The following DBF4B variants were observed in gnomAD, a reference collection of about 807,000 sequenced individuals.
DBF4B encodes the protein DBF4B-CDC7 kinase regulatory subunit, also known as protein DBF4 homolog B.
Under a neutral mutation model 53.4 loss-of-function variants are expected in DBF4B, and 49 were observed. The ratio of observed to expected loss-of-function variants is 0.92; its 90% confidence interval spans 0.73 to 1.16. The LOEUF is 1.16. Among genes scored for constraint, DBF4B ranks in the 50% most tolerant of loss-of-function variants. DBF4B has a pLI of 0.00. For synonymous variants in DBF4B, 257 were observed against 288.7 expected, an observed-to-expected ratio of 0.89 and a Z score of 1.11; for missense variants, 692 against 775.0, an observed-to-expected ratio of 0.89 and a Z score of 1.27.
rs372675166 is a variant in DBF4B at position 44,708,794 on chromosome 17, C to A, written c.-27C>A. On this transcript the variant is annotated 5_prime_UTR_variant, in exon 1 of 14. An upstream open reading frame in the 5' UTR gains an earlier in-frame stop. Transcript: ENST00000315005. ...TACGGAGGCCTCTGAGGAAGGAGTA[C>A]GGAGGCCGAGAAGGAGCCGGCATTT... 5.2e-6 allele frequency: 8 copies of A among 1,550,050 alleles called. No individual in the cohort carries two copies. In the African/African-American group the frequency reaches 8.2e-5, roughly 16 times the overall value.
intron 10 of DBF4B, among the ~76,000 whole-genome samples, chr17:44,743,174 G>A (rs562268404): frequency 6.6e-6 from 1 of 152,274 alleles, no homozygotes; most frequent in East Asian, 1.9e-4. Flanking sequence ...GATGGCCTTG[G>A]GATCACAGAG....
chr17:44,748,925 C>G (rs1334255305), intron 13 of DBF4B: 1 of 1,289,940 alleles, frequency 7.8e-7, no homozygotes, highest in Admixed American at 2.3e-5. Flanking sequence ...GACCCCTTCC[C>G]CTGGCAGCCC....
At chr17:44,746,946 G>A (rs1454792881) in intron 10 of DBF4B, 137 bp from the exon 11 acceptor site, 1 of 728,008 alleles carries the variant, frequency 1.4e-6, no homozygotes, top group Non-Finnish European at 2.4e-6. Context: ...GGGAAGGCCT[G>A]CCTGCCGGTG....
chr17:44,721,496 G>T (rs967143504), intron 2 of DBF4B, among the ~76,000 whole-genome samples: 1 of 152,166 alleles, frequency 6.6e-6, no homozygotes, highest in African/African-American at 2.4e-5. Flanking sequence ...TGGGATTACA[G>T]GTATGAGCCA....
Position 44,729,263 on chromosome 17 carries a change from G to A in DBF4B, c.226-642G>A, listed in dbSNP as rs552121494. Among the ~76,000 whole-genome samples the A allele has an allele frequency of 5.4e-5, 8 of 147,898 alleles. No individual in the cohort carries two copies. The South Asian group carries it at 1.7e-3, about 31-fold the overall frequency. ...ACTCCCCAAGCTGGAGTGTAGTAGTGTAGTCATAGCTCACTGCATCACTGA... is the reference window on the plus strand; with the variant it reads ...ACTCCCCAAGCTGGAGTGTAGTAGTATAGTCATAGCTCACTGCATCACTGA... On this transcript the variant is annotated intron_variant, in intron 3 of 13. Coordinates refer to ENST00000315005, the MANE Select transcript of DBF4B (RefSeq NM_145663.3).
At chr17:44,732,805 G>T (rs556589280) in intron 6 of DBF4B, 19 of 152,068 alleles carry the variant, frequency 1.2e-4, no homozygotes, top group African/African-American at 4.6e-4. Context: ...GGCAGAGGTT[G>T]CAGTCAGCCA....
intron 2 of DBF4B, among the ~76,000 whole-genome samples, chr17:44,714,892 A>G (rs1973196925): frequency 6.6e-6 from 1 of 151,880 alleles, no homozygotes; most frequent in African/African-American, 2.4e-5. Context: ...AAACCAGAAT[A>G]GGTTCAGAGA....
chr17:44,724,033 GGAGGTTACA>G (rs1974077657), intron 3 of DBF4B, among the ~76,000 whole-genome samples: 1 of 152,074 alleles, frequency 6.6e-6, no homozygotes, highest in Non-Finnish European at 1.5e-5. Flanking sequence ...CCCAAAAGGC[GGAGGTTACA>G]GTGAGCTGAA....
At chr17:44,712,744 T>C (rs1184332640) in intron 2 of DBF4B, among the ~76,000 whole-genome samples, 4 of 149,412 alleles carry the variant, frequency 2.7e-5, no homozygotes, top group Non-Finnish European at 6.0e-5. Context: ...CGGCCTGTCT[T>C]CTTTTTTTTT....
intron 10 of DBF4B, among the ~76,000 whole-genome samples, chr17:44,742,039 G>T (rs1287083412): frequency 6.6e-6 from 1 of 151,182 alleles, no homozygotes; most frequent in Non-Finnish European, 1.5e-5. Context: ...ATGAGGCCAG[G>T]AGTTTGAGAC....
intron 10 of DBF4B, among the ~76,000 whole-genome samples, chr17:44,743,678 T>G (rs2145114129): frequency 6.6e-6 from 1 of 150,566 alleles, no homozygotes; most frequent in South Asian, 2.1e-4. Flanking sequence ...TGGCGTGATC[T>G]CTGCTCACTG....
At position 44,749,114 on chromosome 17, in the gene DBF4B, G is replaced by C. The variant is rs2049200815; in HGVS notation, c.1189+649G>C. 2 of 1,289,606 alleles carry C rather than the reference G, an allele frequency of 1.6e-6. No homozygotes were observed. The highest frequency in any genetic ancestry group is 4.6e-5 in the Admixed American group (2 of 43,548). The allele number at this position is 1,289,606 out of a possible 1,614,324, so 79.9% of individuals were successfully genotyped here. A position where few individuals can be genotyped will look rare whatever the true frequency, so the allele number is the denominator to read the frequency against. On this transcript the variant is annotated intron_variant, in intron 13 of 13. Coordinates refer to ENST00000315005, the MANE Select transcript of DBF4B (RefSeq NM_145663.3). This position sits in a 1 kb window ranked among gnomAD's most constrained non-coding sequence, Gnocchi z 4.4. Reference sequence around the variant, plus strand: ...TCAGCTCCCCTGTACTCAGCTACCAGTGTGCAGCCCTCGGGAGCACCTGTA... The same window carrying C: ...TCAGCTCCCCTGTACTCAGCTACCACTGTGCAGCCCTCGGGAGCACCTGTA...
chr17:44,736,836 T>C lies in DBF4B; in HGVS notation c.637T>C (p.Cys213Arg), dbSNP rs752514174. ...ATTTTTCCTTTCCATTTAGGGAACA[T>C]GTCCAGCAGCAGAGTCAAGAACACG... Reference protein sequence around the residue: ...KQQPKKPEGTCPAAESRTRKV... With the variant: ...KQQPKKPEGTRPAAESRTRKV... The change falls in exon 8 of 14, where the codon TGT (cysteine) becomes CGT (arginine). Residue 213 changes from cysteine (C) to arginine (R), a missense_variant. Around this residue, in one of 3 missense-constraint regions of DBF4B, gnomAD observed 597 missense variants for 665.8 expected, o/e 0.90. Transcript: ENST00000315005. The C allele has an allele frequency of 1.9e-6, 3 of 1,613,970 alleles. No homozygotes were observed. The highest frequency in any genetic ancestry group is 2.5e-6 in the Non-Finnish European group (3 of 1,179,986).
intron 2 of DBF4B, among the ~76,000 whole-genome samples, chr17:44,721,224 C>CG (rs1033988909): frequency 5.2e-5 from 7 of 134,018 alleles, no homozygotes; most frequent in Non-Finnish European, 7.9e-5. Context: ...CTTCCCCCCC[C>CG]CTCCCCTTTT....
In DBF4B at chr17:44,749,235, C is replaced by G; in HGVS notation, c.1189+770C>G. On this transcript the variant is annotated intron_variant, in intron 13 of 13. Coordinates refer to ENST00000315005, the MANE Select transcript of DBF4B (RefSeq NM_145663.3). This position sits in a 1 kb window ranked among gnomAD's most constrained non-coding sequence, Gnocchi z 4.4. Reference sequence around the variant, plus strand: ...GGGCCCCCCAGCCTCTCCAGGTGCCCTGTCTCCCTGTCTCCCAGCCCTGGT... The same window carrying G: ...GGGCCCCCCAGCCTCTCCAGGTGCCGTGTCTCCCTGTCTCCCAGCCCTGGT... 1.5e-6 allele frequency: 2 copies of G among 1,290,502 alleles called. No homozygotes were observed. Among genetic ancestry groups the G allele is most frequent in the Non-Finnish European group, 2.0e-6 (2 of 988,886 alleles). 79.9% of individuals were successfully genotyped at this position (1,290,502 alleles called of 1,614,324 possible). A position where few individuals can be genotyped will look rare whatever the true frequency, so the allele number is the denominator to read the frequency against.
Position 44,750,832 on chromosome 17 carries a change from A to AT in DBF4B, c.1428dup (p.Pro477SerfsTer15). 1 of 1,614,176 alleles carries AT rather than the reference A, an allele frequency of 6.2e-7. No individual in the cohort carries two copies. Among genetic ancestry groups the AT allele is most frequent in the Non-Finnish European group, 8.5e-7 (1 of 1,180,024 alleles). On this transcript the variant is annotated frameshift_variant, in exon 14 of 14. Transcript: ENST00000315005. LOFTEE classifies it low-confidence loss of function (END_TRUNC). ...TCGCCTGCAGAGGACATGCCCCTCC[A>AT]TCCCTCCCAAGAAAACTCCTTTGCC...
chr17:44,748,649 C>T, intron 13 of DBF4B, 184 bp downstream of exon 13: 1 of 1,490,064 alleles, frequency 6.7e-7, no homozygotes, highest in Non-Finnish European at 9.0e-7. Flanking sequence ...CTGCCTAGCT[C>T]TGGTTTTATG....
rs376157751 is a variant in DBF4B, at chr17:44,730,088, G to A, written c.409G>A (p.Val137Ile). ...GSHPRPSRKPVDSVPLSRGKE... is the reference protein window; with the variant it reads ...GSHPRPSRKPIDSVPLSRGKE... ...CCACCCCAGGCCTTCACGGAAACCC[G>A]TTGACTCGGTAAGAACCTCATGTAG... Residue 137 changes from valine to isoleucine, a missense_variant, in exon 4 of 14, where the codon GTT becomes ATT. Physicochemically the swap from Val to Ile is conservative, Grantham distance 29 (BLOSUM62 3). Around this residue, in one of 3 missense-constraint regions of DBF4B, gnomAD observed 597 missense variants for 665.8 expected, o/e 0.90. Transcript: ENST00000315005. The A allele has an allele frequency of 9.9e-6, 16 of 1,612,118 alleles. No homozygotes were observed. The highest frequency in any genetic ancestry group is 1.7e-5 in the Admixed American group (1 of 59,958).
At position 44,752,017 on chromosome 17, in the gene DBF4B, T is replaced by C. The variant is rs2049286274; in HGVS notation, c.*764T>C. On this transcript the variant is annotated 3_prime_UTR_variant, in exon 14 of 14. Coordinates refer to ENST00000315005, the MANE Select transcript of DBF4B (RefSeq NM_145663.3). ...CCAGCCCTAACTACTTTACTCAGAC[T>C]AGGTCCCCAGGCCTTTGTTCTTGCC... 1 of 1,527,534 alleles carries C rather than the reference T, an allele frequency of 6.5e-7. No individual in the cohort carries two copies. Among genetic ancestry groups the C allele is most frequent in the Admixed American group, 2.0e-5 (1 of 50,952 alleles). The allele number at this position is 1,527,534 out of a possible 1,614,324, so 94.6% of individuals were successfully genotyped here. A position where few individuals can be genotyped will look rare whatever the true frequency, so the allele number is the denominator to read the frequency against.
Sources: allele counts gnomAD v4.1 joint callset (sites outside exome capture counted in the v4.1 genomes callset), GRCh38; gene constraint gnomAD v4.1.1; regional missense constraint gnomAD v4.1.1; non-coding constraint Gnocchi (gnomAD v3.1); transcripts MANE v1.5; gene names NCBI Gene and HGNC (gene_info 2026-07-23, HGNC 2026-07-21).